Variants in IGF2R observed in about 807,000 individuals in gnomAD.
The protein encoded by IGF2R is insulin like growth factor 2 receptor.
Under a neutral mutation model 270.6 loss-of-function variants are expected in IGF2R, and 91 were observed. The ratio of observed to expected loss-of-function variants is 0.34; its 90% CI spans 0.28 to 0.40. IGF2R has a LOEUF of 0.40. Ranked by LOEUF, IGF2R falls within the 10% of genes least tolerant of loss-of-function variation. IGF2R has a pLI of 1.00. For missense variants in IGF2R, 2,805 were observed against 3,188.3 expected (o/e 0.88, Z 2.90); for synonymous variants, 1,316 against 1,258.9 (o/e 1.05, Z -0.96).
intron 32 of IGF2R, among the ~76,000 whole-genome samples, chr6:160,072,397 C>T (rs1416071415): frequency 2.0e-5 from 3 of 152,184 alleles, no homozygotes; most frequent in Non-Finnish European, 4.4e-5. Context: ...AGTGGATTGC[C>T]AGGAGTCTCT....
chr6:160,004,582 G>A lies in IGF2R; in HGVS notation c.290-4428G>A. The A allele has an allele frequency of 6.5e-6, 1 of 154,656 alleles. No individual in the cohort carries two copies. The highest frequency in any genetic ancestry group is 1.4e-5 in the Non-Finnish European group (1 of 69,834). 9.6% of individuals were successfully genotyped at this position (154,656 alleles called of 1,614,324 possible). A position where few individuals can be genotyped will look rare whatever the true frequency, so the allele number is the denominator to read the frequency against. ...GGGTCTAGTGAGTGTAGCTTGGAGTGCTGGGTGGTGTGGCCTGGCTGGCAC... is the reference window on the plus strand; with the variant it reads ...GGGTCTAGTGAGTGTAGCTTGGAGTACTGGGTGGTGTGGCCTGGCTGGCAC... On this transcript the variant is annotated intron_variant, in intron 2 of 47. Transcript: ENST00000356956. This position sits in a 1 kb window ranked among gnomAD's most constrained non-coding sequence, Gnocchi z 5.2.
chr6:159,971,994 CT>C (rs1783616048), intron 1 of IGF2R, among the ~76,000 whole-genome samples: 2 of 152,060 alleles, frequency 1.3e-5, no homozygotes, highest in African/African-American at 4.8e-5. Flanking sequence ...TCCTTAAATA[CT>C]TTTTGAAAAC....
chr6:159,994,563 T>G (rs1175081534), intron 2 of IGF2R, among the ~76,000 whole-genome samples: 1 of 152,136 alleles, frequency 6.6e-6, no homozygotes. Flanking sequence ...ATCTTTATTT[T>G]TGATGTAGGC....
At chr6:159,971,964 C>T (rs1012286897) in intron 1 of IGF2R, among the ~76,000 whole-genome samples, 2 of 152,136 alleles carry the variant, frequency 1.3e-5, no homozygotes, top group African/African-American at 4.8e-5. Context: ...GTTTATGTTC[C>T]TGTTTTAAAC....
chr6:159,989,753 A>T (rs1293657932), intron 1 of IGF2R, among the ~76,000 whole-genome samples: 2 of 152,196 alleles, frequency 1.3e-5, no homozygotes, highest in African/African-American at 4.8e-5. Flanking sequence ...TTTTGCAAGG[A>T]CATTTTAAGT....
At chr6:160,068,186 AGT>A in intron 29 of IGF2R, 61 bp from the exon 30 acceptor site, 1 of 1,490,082 alleles carries the variant, frequency 6.7e-7, no homozygotes, top group Non-Finnish European at 9.1e-7. Flanking sequence ...TTCTAGACAG[AGT>A]GCCCAATGTT....
At chr6:160,022,013 A>AACACACACACACACACACAC (rs58646750) in intron 4 of IGF2R, among the ~76,000 whole-genome samples, 2,458 of 142,772 alleles carry the variant, frequency 0.017, 57 homozygotes, top group South Asian at 0.039. Flanking sequence ...CTAGGTAAAG[A>AACACACACACACACACACAC]ACACACACAC....
chr6:160,078,541 C>A (rs1246218772), intron 37 of IGF2R, among the ~76,000 whole-genome samples, 179 bp downstream of exon 37: 1 of 152,170 alleles, frequency 6.6e-6, no homozygotes, highest in Non-Finnish European at 1.5e-5. Flanking sequence ...TCTTGGATTG[C>A]GTGGCCAACT....
intron 10 of IGF2R, 73 bp downstream of exon 10, chr6:160,034,595 G>T: frequency 1.0e-6 from 1 of 963,662 alleles, no homozygotes; most frequent in Non-Finnish European, 1.7e-6. Flanking sequence ...GCACAGGCGT[G>T]TTCTTGGAAG....
At chr6:160,003,709 T>A (rs949603413) in intron 2 of IGF2R, 2 of 152,242 alleles carry the variant, frequency 1.3e-5, no homozygotes, top group Non-Finnish European at 2.9e-5. Context: ...AATCAGTCAC[T>A]ACAACAGGCA....
chr6:160,071,312 G>GAGCCC, intron 31 of IGF2R, among the ~76,000 whole-genome samples: 9 of 150,794 alleles, frequency 6.0e-5, no homozygotes, highest in Non-Finnish European at 1.0e-4. Flanking sequence ...CCTGTGCCCA[G>GAGCCC]GGCCTGGGAG....
chr6:160,084,001 A>C lies in IGF2R; in HGVS notation c.5885A>C (p.Asp1962Ala). The C allele has an allele frequency of 1.2e-6, 2 of 1,614,204 alleles. No individual in the cohort carries two copies. Among genetic ancestry groups the C allele is most frequent in the Middle Eastern group, 1.6e-4 (1 of 6,062 alleles). Residue 1962 changes from aspartate (D) to alanine (A), a missense_variant, in exon 40 of 48, where the codon GAC becomes GCC. By Grantham distance (126) the Asp-to-Ala change is moderately radical. This residue lies in a region of IGF2R where 1,851 missense variants were observed against 2,207.2 expected (regional missense o/e 0.84). Transcript: ENST00000356956. The surrounding 1 kb of genome is among the most constrained non-coding windows in gnomAD (Gnocchi z 4.6). ...ATATTTAAGTGTGATGAAGATGAGGACATTGGGAGGCCACAAGTCTTCAGT... is the reference window on the plus strand; with the variant it reads ...ATATTTAAGTGTGATGAAGATGAGGCCATTGGGAGGCCACAAGTCTTCAGT... ...SIIFKCDEDE[D>A]IGRPQVFSEV...
intron 20 of IGF2R, among the ~76,000 whole-genome samples, chr6:160,057,092 C>G (rs1778332472): frequency 6.6e-6 from 1 of 152,120 alleles, no homozygotes; most frequent in Non-Finnish European, 1.5e-5. Flanking sequence ...TAGGGCAAAG[C>G]CCACAGGTGT....
chr6:160,027,336 T>C, intron 6 of IGF2R, 22 bp downstream of exon 6: 2 of 1,590,630 alleles, frequency 1.3e-6, no homozygotes, highest in East Asian at 2.2e-5. Context: ...CCTCCGATGC[T>C]GTTGGCGTTT....
At position 160,065,804 on chromosome 6, in the gene IGF2R, GTGTGTGTGTGTA is replaced by G. The variant is rs1218745029; in HGVS notation, c.4115+905_4115+916del. On this transcript the variant is annotated intron_variant, in intron 29 of 47. Transcript: ENST00000356956. ...TGTATGTGTGTGTGTGTGTGTGTGT[GTGTGTGTGTGTA>G]TATATATATATATATATATATATAT... Among the ~76,000 whole-genome samples the G allele has an allele frequency of 2.1e-4, 13 of 61,538 alleles. No individual in the cohort carries two copies. The East Asian group carries it at 3.7e-3, about 18-fold the overall frequency. 40.4% of individuals were successfully genotyped at this position (61,538 alleles called of 152,430 possible). A position where few individuals can be genotyped will look rare whatever the true frequency, so the allele number is the denominator to read the frequency against.
intron 37 of IGF2R, 109 bp from the exon 38 acceptor site, chr6:160,079,471 C>T (rs1778929207): frequency 1.4e-6 from 1 of 735,212 alleles, no homozygotes; most frequent in Non-Finnish European, 1.9e-6. Flanking sequence ...GGAGTCTTTG[C>T]TCTTCCTCAT....
At position 160,050,739 on chromosome 6, in the gene IGF2R, T is replaced by C; in HGVS notation, c.2694+87T>C. On this transcript the variant is annotated intron_variant, in intron 19 of 47. Coordinates refer to ENST00000356956, the MANE Select transcript of IGF2R (RefSeq NM_000876.4). This position sits in a 1 kb window ranked among gnomAD's most constrained non-coding sequence, Gnocchi z 4.0. Reference sequence around the variant, plus strand: ...ATGTGTCTCTTAACAGCAGCAGTCTTGGGGTGGGTGGCGGAGCTAGGCCAG... The same window carrying C: ...ATGTGTCTCTTAACAGCAGCAGTCTCGGGGTGGGTGGCGGAGCTAGGCCAG... 8.0e-7 allele frequency: 1 copy of C among 1,250,996 alleles called. No homozygotes were observed. The highest frequency in any genetic ancestry group is 2.6e-5 in the East Asian group (1 of 39,074). 77.5% of individuals were successfully genotyped at this position (1,250,996 alleles called of 1,614,324 possible).
chr6:160,033,993 C>T (rs929814936), intron 9 of IGF2R, among the ~76,000 whole-genome samples: 5 of 152,154 alleles, frequency 3.3e-5, no homozygotes, highest in Non-Finnish European at 4.4e-5. Flanking sequence ...GAATATCTGC[C>T]GAGAAGCTGC....
chr6:159,996,776 C>T (rs1784060331), intron 2 of IGF2R, among the ~76,000 whole-genome samples: 1 of 152,238 alleles, frequency 6.6e-6, no homozygotes, highest in African/African-American at 2.4e-5. Context: ...CCTCCCTCAA[C>T]CCAAAGCACA....
Sources: allele counts gnomAD v4.1 joint callset (sites outside exome capture counted in the v4.1 genomes callset), GRCh38; gene constraint gnomAD v4.1.1; regional missense constraint gnomAD v4.1.1; non-coding constraint Gnocchi (gnomAD v3.1); transcripts MANE v1.5; gene names NCBI Gene and HGNC (gene_info 2026-07-23, HGNC 2026-07-21).